Variants in DNMBP observed in about 807,000 individuals in gnomAD.
DNMBP encodes dynamin-binding protein.
A neutral mutation model predicts 150.0 loss-of-function variants in DNMBP; 87 were observed. The ratio of observed to expected loss-of-function variants is 0.58; its 90% CI spans 0.49 to 0.69. The LOEUF (loss-of-function observed/expected upper bound fraction) is 0.69, where lower values mean the gene tolerates loss of function less well. Among genes scored for constraint, DNMBP ranks in the 30% least tolerant of loss-of-function variants. The probability of loss-of-function intolerance (pLI) is 0.00; values close to 1 mark genes in which losing one functional copy is unlikely to be tolerated. For missense variants in DNMBP, 1,774 were observed against 1,949.0 expected (o/e 0.91, Z 1.69); for synonymous variants, 711 against 750.4 (o/e 0.95, Z 0.86).
At position 99,900,137 on chromosome 10, in the gene DNMBP, C is replaced by T. The variant is rs561478386; in HGVS notation, c.2555-71G>A. The T allele has an allele frequency of 5.8e-6, 9 of 1,539,582 alleles. No homozygotes were observed. In the East Asian group the frequency reaches 2.0e-4, roughly 35 times the overall value. Reference sequence around the variant, plus strand: ...CTCAGTATACTAAATGTAAGGTACACAGCCAAACTTTAGTACCAGCTAAAT... The same window carrying T: ...CTCAGTATACTAAATGTAAGGTACATAGCCAAACTTTAGTACCAGCTAAAT... On this transcript the variant is annotated intron_variant, in intron 6 of 16. Transcript: ENST00000324109.
intron 1 of DNMBP, among the ~76,000 whole-genome samples, chr10:100,007,266 C>A (rs2041084064): frequency 6.6e-6 from 1 of 152,232 alleles, no homozygotes; most frequent in South Asian, 2.1e-4. Flanking sequence ...TTGACCTATT[C>A]ATTCACATAT....
chr10:99,980,035 G>A (rs2040765860), intron 1 of DNMBP, among the ~76,000 whole-genome samples: 1 of 152,194 alleles, frequency 6.6e-6, no homozygotes, highest in Admixed American at 6.5e-5. Context: ...CTTAAGTCCT[G>A]CAGCCCTTGC....
intron 15 of DNMBP, 53 bp from the exon 16 acceptor site, chr10:99,880,414 G>C: frequency 1.4e-6 from 2 of 1,472,218 alleles, no homozygotes; most frequent in Non-Finnish European, 8.9e-7. Context: ...AGGCTGGACA[G>C]ACAGAGGGAG....
chr10:99,930,082 C>T lies in DNMBP; in HGVS notation c.2261-20936G>A, dbSNP rs778781593. ...TCATGGTATTTGATAAATTCCTTAT[C>T]TTCATTGACACCATTCGAATCTGAA... is the stretch of plus-strand genomic sequence containing the variant. On this transcript the variant is annotated intron_variant, in intron 4 of 16. Transcript: ENST00000324109. The T allele has an allele frequency of 1.0e-5, 7 of 702,880 alleles. No homozygotes were observed. In the South Asian group the frequency reaches 1.0e-4, roughly 10 times the overall value. The allele number at this position is 702,880 out of a possible 1,614,324, so 43.5% of individuals were successfully genotyped here. A position where few individuals can be genotyped will look rare whatever the true frequency, so the allele number is the denominator to read the frequency against.
At chr10:100,002,040 T>C (rs757068289) in intron 1 of DNMBP, among the ~76,000 whole-genome samples, 3 of 152,096 alleles carry the variant, frequency 2.0e-5, no homozygotes, top group Non-Finnish European at 4.4e-5. Context: ...TTTCTATCGA[T>C]TTTTCCCCAG....
chr10:99,879,074 G>A (rs1164216356), intron 16 of DNMBP, among the ~76,000 whole-genome samples: 1 of 42,444 alleles, frequency 2.4e-5, no homozygotes, highest in Non-Finnish European at 5.6e-5. Context: ...GACAGAGCAA[G>A]ACTCTGTCTC....
chr10:99,931,725 T>C (rs569791023), intron 4 of DNMBP, among the ~76,000 whole-genome samples: 15 of 152,338 alleles, frequency 9.8e-5, no homozygotes, highest in South Asian at 2.1e-4. Context: ...AGAGGAGGCA[T>C]TGTGGAACAG....
intron 4 of DNMBP, among the ~76,000 whole-genome samples, chr10:99,939,099 G>GA (rs1381361718): frequency 2.7e-5 from 4 of 150,556 alleles, no homozygotes; most frequent in African/African-American, 9.8e-5. Context: ...AAGGGTAAAG[G>GA]AAAAAAGGGA....
At chr10:99,983,493 A>G (rs554086809) in intron 1 of DNMBP, among the ~76,000 whole-genome samples, 24 of 152,366 alleles carry the variant, frequency 1.6e-4, no homozygotes, top group African/African-American at 5.8e-4. Context: ...ACAGAAGGTC[A>G]GCAGTCACAG....
intron 4 of DNMBP, among the ~76,000 whole-genome samples, chr10:99,931,698 A>G (rs2040160106): frequency 6.6e-6 from 1 of 152,244 alleles, no homozygotes; most frequent in African/African-American, 2.4e-5. Context: ...AACAAATATT[A>G]GATGGTTACC....
chr10:99,895,087 G>A lies in DNMBP; in HGVS notation c.3052-37C>T, dbSNP rs2252699. The stretch of plus-strand genomic sequence containing the variant: ...TAAACAAGTGCTGTTAGCAAATCTG[G>A]ACACTCCTTTAATCTTACTGGCAAA... On this transcript the variant is annotated intron_variant, in intron 10 of 16. Transcript: ENST00000324109. The A allele has an allele frequency of 1.2e-3, 1,544 of 1,266,506 alleles. 18 individuals carry two copies. The African/African-American group carries it at 0.021, about 17-fold the overall frequency. The allele number at this position is 1,266,506 out of a possible 1,614,324, so 78.5% of individuals were successfully genotyped here.
At chr10:99,995,240 ATGG>A (rs1035820599) in intron 1 of DNMBP, among the ~76,000 whole-genome samples, 1 of 151,780 alleles carries the variant, frequency 6.6e-6, no homozygotes, top group African/African-American at 2.4e-5. Flanking sequence ...TTTTGTAGAG[ATGG>A]ATTTCCCCAT....
At chr10:99,878,465 G>A (rs2039309588) in intron 16 of DNMBP, among the ~76,000 whole-genome samples, 1 of 151,100 alleles carries the variant, frequency 6.6e-6, no homozygotes, top group Non-Finnish European at 1.5e-5. Flanking sequence ...TATAATAACT[G>A]TCTGCTTGGT....
chr10:99,947,784 T>C (rs1665116914), intron 4 of DNMBP, among the ~76,000 whole-genome samples: 1 of 152,226 alleles, frequency 6.6e-6, no homozygotes. Flanking sequence ...ATTTGTGGTA[T>C]TTCTTTCAAT....
chr10:99,964,886 AT>A (rs112764359), intron 3 of DNMBP, among the ~76,000 whole-genome samples: 2,521 of 78,148 alleles, frequency 0.032, 27 homozygotes, highest in Non-Finnish European at 0.04. Flanking sequence ...AAAAAAAAAA[AT>A]ATATATATAT....
At chr10:99,954,861 G>T (rs1296297251) in intron 4 of DNMBP, among the ~76,000 whole-genome samples, 5 of 151,662 alleles carry the variant, frequency 3.3e-5, no homozygotes, top group Non-Finnish European at 5.9e-5. Context: ...GACCAGCCTG[G>T]CAACATGGCA....
chr10:99,907,908 TA>T, intron 6 of DNMBP, 86 bp downstream of exon 6: 1 of 909,186 alleles, frequency 1.1e-6, no homozygotes, highest in East Asian at 2.4e-5. Context: ...CCCGGAGGCA[TA>T]GTTACTCAGT....
chr10:99,984,463 G>A (rs761713788), intron 1 of DNMBP, among the ~76,000 whole-genome samples: 4 of 152,192 alleles, frequency 2.6e-5, no homozygotes, highest in East Asian at 1.9e-4. Flanking sequence ...AGTTACAGAC[G>A]TGCAGATTAA....
chr10:99,974,249 GA>G (rs768894261), intron 1 of DNMBP, among the ~76,000 whole-genome samples: 1 of 152,232 alleles, frequency 6.6e-6, no homozygotes, highest in Non-Finnish European at 1.5e-5. Context: ...TTGGTTCACA[GA>G]AGTCAGTGGC....
Sources: allele counts gnomAD v4.1 joint callset (sites outside exome capture counted in the v4.1 genomes callset), GRCh38; gene constraint gnomAD v4.1.1; transcripts MANE v1.5; gene names NCBI Gene and HGNC (gene_info 2026-07-23, HGNC 2026-07-21).